Variants in NRXN1 observed in about 807,000 individuals in gnomAD.
The protein encoded by NRXN1 is neurexin-1.
Under a neutral mutation model 150.9 loss-of-function variants are expected in NRXN1, and 39 were observed. The ratio of observed to expected loss-of-function variants is 0.26; its 90% CI spans 0.20 to 0.34. NRXN1 has a LOEUF of 0.34. NRXN1 is among the 10% of genes least tolerant of loss of function. The pLI is 1.00. For missense variants in NRXN1, 1,815 were observed against 1,949.9 expected, an observed-to-expected ratio of 0.93 and a Z score of 1.30; for synonymous variants, 924 against 757.0, an observed-to-expected ratio of 1.22 and a Z score of -3.62.
intron 18 of NRXN1, among the ~76,000 whole-genome samples, chr2:50,095,502 C>A (rs1303889215): frequency 6.6e-6 from 1 of 152,052 alleles, no homozygotes; most frequent in Non-Finnish European, 1.5e-5. Context: ...GCCATAAGAG[C>A]CTATTTTCAT....
rs186140977 is a variant in NRXN1, at chr2:50,983,986, G to T, written c.772+43516C>A. On this transcript the variant is annotated intron_variant, in intron 2 of 22. Transcript: ENST00000401669. ...ATTTTTTAATTAATCTATTTTTTTT[G>T]AGACAGAGTCTTACTCTATTGCCCA... Among the ~76,000 whole-genome samples the T allele has an allele frequency of 7.3e-4, 110 of 151,244 alleles. 1 individual carries two copies. The highest frequency in any genetic ancestry group is 2.6e-3 in the African/African-American group (106 of 41,252).
intron 8 of NRXN1, among the ~76,000 whole-genome samples, chr2:50,577,734 A>C (rs1165727474): frequency 1.3e-5 from 2 of 151,984 alleles, no homozygotes; most frequent in African/African-American, 4.8e-5. Flanking sequence ...ACACACACAC[A>C]CACACACTAA....
chr2:50,789,319 G>A (rs1022312343), intron 5 of NRXN1, among the ~76,000 whole-genome samples: 5 of 152,108 alleles, frequency 3.3e-5, no homozygotes, highest in African/African-American at 1.2e-4. Flanking sequence ...ATGCAATCAT[G>A]AAATGATACG....
In NRXN1 at chr2:51,027,620, C is replaced by T; in HGVS notation, c.654G>A (p.Glu218=). The T allele has an allele frequency of 6.3e-7, 1 of 1,585,522 alleles. No homozygotes were observed. The highest frequency in any genetic ancestry group is 8.6e-7 in the Non-Finnish European group (1 of 1,166,016). The change falls in exon 2 of 23, where the codon GAG becomes GAA. Residue 218 remains glutamate, a synonymous_variant. Coordinates refer to ENST00000401669, the MANE Select transcript of NRXN1 (RefSeq NM_001330078.2). ...CCCCGCCCTCGCCCTCCTCGCCCGC[C>T]TCGCACGGGCTTCCCCCGCCGCTGT... is the stretch of plus-strand genomic sequence containing the variant. ...PPNSGGGSPC[E]AGEEGEGGVC... is the part of the protein sequence containing the mutation.
chr2:50,802,207 C>A (rs963211899), intron 5 of NRXN1, among the ~76,000 whole-genome samples: 17 of 152,002 alleles, frequency 1.1e-4, no homozygotes, highest in Non-Finnish European at 1.6e-4. Context: ...AAAATAGGGT[C>A]TTGGCTGGGT....
Position 50,346,698 on chromosome 2 carries a change from GCCTC to G in NRXN1, c.3365-109732_3365-109729del. On this transcript the variant is annotated intron_variant, in intron 17 of 22. Coordinates refer to ENST00000401669, the MANE Select transcript of NRXN1 (RefSeq NM_001330078.2). The surrounding 1 kb of genome is among the most constrained non-coding windows in gnomAD (Gnocchi z 5.0). ...TTGGCATCGCAGACCCACCGTGTCC[GCCTC>G]GCAAGGATGCCGGTGACCTGTAGAT... The G allele has an allele frequency of 6.2e-7, 1 of 1,613,238 alleles. No homozygotes were observed. The highest frequency in any genetic ancestry group is 8.5e-7 in the Non-Finnish European group (1 of 1,179,498).
intron 17 of NRXN1, among the ~76,000 whole-genome samples, chr2:50,239,927 T>A (rs1035336070): frequency 6.6e-6 from 1 of 151,036 alleles, no homozygotes; most frequent in African/African-American, 2.4e-5. Context: ...TGACAGAACA[T>A]TTAATATATG....
chr2:50,505,316 A>G (rs1194246491), intron 13 of NRXN1, among the ~76,000 whole-genome samples: 1 of 152,166 alleles, frequency 6.6e-6, no homozygotes, highest in Non-Finnish European at 1.5e-5. Context: ...TTCGAGTGCC[A>G]CTTACCTCAT....
At chr2:50,660,134 G>A (rs1056395700) in intron 5 of NRXN1, among the ~76,000 whole-genome samples, 1 of 151,918 alleles carries the variant, frequency 6.6e-6, no homozygotes, top group African/African-American at 2.4e-5. Context: ...CCCTTACTGT[G>A]CCAGACATTA....
chr2:50,311,788 T>C (rs1352333604), intron 17 of NRXN1, among the ~76,000 whole-genome samples: 4 of 152,124 alleles, frequency 2.6e-5, no homozygotes, highest in African/African-American at 9.7e-5. Context: ...TAGCTTAGCT[T>C]TCAAACTATC....
chr2:50,152,648 G>A (rs1185390591), intron 18 of NRXN1, among the ~76,000 whole-genome samples: 1 of 151,606 alleles, frequency 6.6e-6, no homozygotes, highest in Non-Finnish European at 1.5e-5. Flanking sequence ...GAATATATCA[G>A]CCCATTGCCT....
At chr2:50,486,619 G>A (rs2090893678) in intron 15 of NRXN1, among the ~76,000 whole-genome samples, 1 of 152,166 alleles carries the variant, frequency 6.6e-6, no homozygotes, top group Non-Finnish European at 1.5e-5. Context: ...AGCCAGTGGT[G>A]AGAGGCCTAA....
chr2:50,316,126 G>A (rs1033391115), intron 17 of NRXN1, among the ~76,000 whole-genome samples: 3 of 152,078 alleles, frequency 2.0e-5, no homozygotes, highest in African/African-American at 4.8e-5. Context: ...TCTTATCTTA[G>A]TTAGAAGCTT....
At chr2:50,648,021 A>G (rs985758082) in intron 5 of NRXN1, among the ~76,000 whole-genome samples, 6 of 151,950 alleles carry the variant, frequency 3.9e-5, no homozygotes, top group Admixed American at 3.3e-4. Context: ...TACTTTCCCA[A>G]TTCTCTACAA....
intron 5 of NRXN1, among the ~76,000 whole-genome samples, chr2:50,712,497 G>A (rs896615006): frequency 2.6e-5 from 4 of 152,132 alleles, no homozygotes; most frequent in Admixed American, 2.6e-4. Flanking sequence ...TTGGTTTAAT[G>A]TAGGCCAAAC....
At chr2:50,702,094 T>C (rs1032253558) in intron 5 of NRXN1, among the ~76,000 whole-genome samples, 1 of 152,090 alleles carries the variant, frequency 6.6e-6, no homozygotes, top group Non-Finnish European at 1.5e-5. Flanking sequence ...GACCTACAGG[T>C]ATTCGAAGGA....
chr2:50,700,369 T>A (rs1261242910), intron 5 of NRXN1, among the ~76,000 whole-genome samples: 2 of 152,200 alleles, frequency 1.3e-5, no homozygotes, highest in Non-Finnish European at 2.9e-5. Context: ...CTTGACTGTA[T>A]CCTTTGCTGG....
chr2:50,130,532 A>C (rs1705315692), intron 18 of NRXN1, among the ~76,000 whole-genome samples: 1 of 152,202 alleles, frequency 6.6e-6, no homozygotes, highest in Non-Finnish European at 1.5e-5. Flanking sequence ...TCTTCTACTT[A>C]AGCAGATTTC....
At chr2:50,101,650 C>T (rs1288928109) in intron 18 of NRXN1, among the ~76,000 whole-genome samples, 3 of 151,904 alleles carry the variant, frequency 2.0e-5, no homozygotes, top group Admixed American at 6.6e-5. Flanking sequence ...CCTTAAAAGA[C>T]GTGAAAACAT....
Sources: allele counts gnomAD v4.1 joint callset (sites outside exome capture counted in the v4.1 genomes callset), GRCh38; gene constraint gnomAD v4.1.1; non-coding constraint Gnocchi (gnomAD v3.1); transcripts MANE v1.5; gene names NCBI Gene and HGNC (gene_info 2026-07-23, HGNC 2026-07-21).